LSAMP: variants seen among roughly 807,000 people sequenced by gnomAD.
LSAMP encodes limbic system-associated membrane protein.
In LSAMP, 7 loss-of-function variants were observed where a neutral mutation model predicts 38.6. The observed-to-expected ratio is 0.18, with a 90% CI of 0.10 to 0.34. LSAMP has a LOEUF of 0.34. Ranked by LOEUF, LSAMP falls within the 10% of genes least tolerant of loss-of-function variation. The probability of loss-of-function intolerance (pLI) is 1.00; values close to 1 mark genes in which losing one functional copy is unlikely to be tolerated. For synonymous variants in LSAMP, 154 were observed against 166.8 expected, an observed-to-expected ratio of 0.92 and a Z score of 0.59; for missense variants, 313 against 420.0, an observed-to-expected ratio of 0.75 and a Z score of 2.23.
chr3:116,226,259 T>G (rs1489202614), intron 1 of LSAMP, among the ~76,000 whole-genome samples: 1 of 152,218 alleles, frequency 6.6e-6, no homozygotes, highest in Non-Finnish European at 1.5e-5. Context: ...AGTTCTTTCC[T>G]CAGATAATAG....
rs553993471 is a variant in LSAMP at position 116,425,515 on chromosome 3, C to A, written c.155+19362G>T. Among the ~76,000 whole-genome samples, 7 of 152,182 alleles carry A rather than the reference C, an allele frequency of 4.6e-5. No homozygotes were observed. In the East Asian group the frequency reaches 1.4e-3, roughly 29 times the overall value. ...TTTGACCATAGAAAAGTCATTTTTT[C>A]TTGGAGTTTTACCTCTTCTTCTTTA... On this transcript the variant is annotated intron_variant, in intron 1 of 6. Transcript: ENST00000490035.
intron 1 of LSAMP, among the ~76,000 whole-genome samples, chr3:116,174,217 C>G (rs1710279258): frequency 1.3e-5 from 2 of 151,980 alleles, no homozygotes; most frequent in African/African-American, 4.8e-5. Flanking sequence ...TAACAACCAA[C>G]ACTGTTATGA....
chr3:115,894,162 C>A (rs1936672134), intron 3 of LSAMP, among the ~76,000 whole-genome samples: 1 of 152,020 alleles, frequency 6.6e-6, no homozygotes. Flanking sequence ...TGTCTTCTAG[C>A]CTGGTTGGAC....
In LSAMP at chr3:115,810,143, G is replaced by C. The variant is rs1933769213; in HGVS notation, c.*174C>G. 3 of 576,310 alleles carry C rather than the reference G, an allele frequency of 5.2e-6. No homozygotes were observed. The highest frequency in any genetic ancestry group is 4.6e-4 in the Middle Eastern group (1 of 2,166). The allele number at this position is 576,310 out of a possible 1,614,324, so 35.7% of individuals were successfully genotyped here. A position where few individuals can be genotyped will look rare whatever the true frequency, so the allele number is the denominator to read the frequency against. On this transcript the variant is annotated 3_prime_UTR_variant, in exon 7 of 7. Transcript: ENST00000490035. ...GATGGACTGTAAAATTGTTTTAAAT[G>C]TTGTATTTTCTTCTTCACTTTCTTA... is the stretch of plus-strand genomic sequence containing the variant.
In LSAMP at chr3:116,145,820, A is replaced by G. The variant is rs140714683; in HGVS notation, c.156-59264T>C. Among the ~76,000 whole-genome samples the G allele has an allele frequency of 9.6e-3, 1,458 of 151,920 alleles. 26 individuals are homozygous for G. The highest frequency in any genetic ancestry group is 0.034 in the African/African-American group (1,392 of 41,474). On this transcript the variant is annotated intron_variant, in intron 1 of 6. Coordinates refer to ENST00000490035, the MANE Select transcript of LSAMP (RefSeq NM_002338.5). Reference sequence around the variant, plus strand: ...CGCAGATACAACTTCCAGTTTATTAATTTTACTTTCAGCTGTGTCTAATCT... The same window carrying G: ...CGCAGATACAACTTCCAGTTTATTAGTTTTACTTTCAGCTGTGTCTAATCT...
At chr3:116,295,104 T>C (rs2047313448) in intron 1 of LSAMP, among the ~76,000 whole-genome samples, 1 of 152,034 alleles carries the variant, frequency 6.6e-6, no homozygotes, top group African/African-American at 2.4e-5. Context: ...AAGAAAATGA[T>C]AAAATAGGAC....
At chr3:116,382,934 CA>C (rs1200005318) in intron 1 of LSAMP, among the ~76,000 whole-genome samples, 1 of 152,034 alleles carries the variant, frequency 6.6e-6, no homozygotes, top group East Asian at 1.9e-4. Context: ...AGAATGCTTT[CA>C]AAAAGGAAAT....
intron 1 of LSAMP, among the ~76,000 whole-genome samples, chr3:116,301,183 C>G (rs992943480): frequency 6.6e-6 from 1 of 152,000 alleles, no homozygotes; most frequent in African/African-American, 2.4e-5. Flanking sequence ...AAATGAAAAT[C>G]CAAAAATAGA....
At chr3:116,280,740 C>A (rs1020270454) in intron 1 of LSAMP, among the ~76,000 whole-genome samples, 1 of 152,178 alleles carries the variant, frequency 6.6e-6, no homozygotes, top group East Asian at 1.9e-4. Context: ...TTCCAACAGT[C>A]GTGGTTCACT....
intron 1 of LSAMP, among the ~76,000 whole-genome samples, chr3:116,269,404 C>T (rs1176178746): frequency 6.6e-6 from 1 of 152,090 alleles, no homozygotes; most frequent in Non-Finnish European, 1.5e-5. Flanking sequence ...TAAGAGAGTA[C>T]TCACAGTTGG....
intron 3 of LSAMP, among the ~76,000 whole-genome samples, chr3:115,954,128 G>A (rs1938379855): frequency 1.3e-5 from 2 of 152,078 alleles, no homozygotes; most frequent in South Asian, 4.2e-4. Flanking sequence ...CCGATTCCCA[G>A]TTGGTATGTT....
intron 3 of LSAMP, among the ~76,000 whole-genome samples, chr3:115,859,157 T>C (rs1306619807): frequency 6.6e-6 from 1 of 152,172 alleles, no homozygotes; most frequent in African/African-American, 2.4e-5. Flanking sequence ...GACCCCTTAG[T>C]GTTTGACAAT....
At chr3:116,268,245 A>G (rs1438962914) in intron 1 of LSAMP, among the ~76,000 whole-genome samples, 1 of 151,978 alleles carries the variant, frequency 6.6e-6, no homozygotes, top group African/African-American at 2.4e-5. Context: ...AGATGCAACC[A>G]TTCCTTCTTA....
intron 3 of LSAMP, among the ~76,000 whole-genome samples, chr3:115,963,592 G>A (rs1485383612): frequency 6.6e-6 from 1 of 152,178 alleles, no homozygotes; most frequent in Non-Finnish European, 1.5e-5. Context: ...GTATGTGATT[G>A]AATTTGGCTG....
At chr3:115,824,885 A>T (rs890919325) in intron 6 of LSAMP, among the ~76,000 whole-genome samples, 2 of 152,180 alleles carry the variant, frequency 1.3e-5, no homozygotes, top group Non-Finnish European at 2.9e-5. Flanking sequence ...GGTAAGAAAG[A>T]TTAAAAATGC....
chr3:116,245,261 C>T (rs766219405), intron 1 of LSAMP, among the ~76,000 whole-genome samples: 1 of 152,082 alleles, frequency 6.6e-6, no homozygotes, highest in South Asian at 2.1e-4. Flanking sequence ...AGTTGTCAAC[C>T]CTGCTGACAC....
At chr3:116,368,728 T>A (rs991052095) in intron 1 of LSAMP, among the ~76,000 whole-genome samples, 1 of 152,100 alleles carries the variant, frequency 6.6e-6, no homozygotes, top group Non-Finnish European at 1.5e-5. Context: ...CAGCTATAAG[T>A]GTAAGATAAA....
chr3:116,416,298 AAAGG>A (rs1306526778), intron 1 of LSAMP, among the ~76,000 whole-genome samples: 1 of 152,152 alleles, frequency 6.6e-6, no homozygotes, highest in East Asian at 1.9e-4. Flanking sequence ...CAGAACTGGA[AAAGG>A]AGTAAGGCAT....
intron 1 of LSAMP, among the ~76,000 whole-genome samples, chr3:116,204,759 A>G (rs1160119485): frequency 6.6e-6 from 1 of 151,066 alleles, no homozygotes; most frequent in Admixed American, 6.6e-5. Flanking sequence ...CCATTGATCT[A>G]TCTCTCTGTT....
Sources: gnomAD v4.1 joint callset for allele counts (sites outside exome capture counted in the v4.1 genomes callset) on GRCh38, gnomAD v4.1.1 for gene constraint, MANE v1.5 for transcripts, NCBI Gene and HGNC (gene_info 2026-07-23, HGNC 2026-07-21) for gene names.